UNC13C: variants seen among roughly 807,000 people sequenced by gnomAD.
UNC13C encodes unc-13 homolog C.
Under a neutral mutation model 245.4 loss-of-function variants are expected in UNC13C, and 174 were observed. The ratio of observed to expected loss-of-function variants is 0.71; its 90% CI spans 0.63 to 0.80. The LOEUF (loss-of-function observed/expected upper bound fraction) is 0.80. UNC13C is among the 30% of genes least tolerant of loss of function. The pLI is 0.00. For synonymous variants in UNC13C, 992 were observed against 895.1 expected (o/e 1.11, Z -1.93); for missense variants, 2,829 against 2,602.9 (o/e 1.09, Z -1.89).
At chr15:54,269,142 A>G (rs1478135075) in intron 10 of UNC13C, among the ~76,000 whole-genome samples, 1 of 151,988 alleles carries the variant, frequency 6.6e-6, no homozygotes, top group Non-Finnish European at 1.5e-5. Context: ...TATTCCTTGC[A>G]CAATGATTGG....
At chr15:54,407,983 T>G (rs904443721) in intron 18 of UNC13C, among the ~76,000 whole-genome samples, 1 of 151,800 alleles carries the variant, frequency 6.6e-6, no homozygotes, top group Non-Finnish European at 1.5e-5. Context: ...GGGCAGATCA[T>G]GAGGTCAGGA....
chr15:53,912,336 A>G, the UNC13C span: 53,361 of 152,226 alleles, frequency 0.35, 9,448 homozygotes, highest in South Asian at 0.41. Context: ...TGCCCAACTC[A>G]GGGGAACTGG....
chr15:54,159,956 C>T (rs2032906700), intron 4 of UNC13C, among the ~76,000 whole-genome samples: 2 of 152,036 alleles, frequency 1.3e-5, no homozygotes, highest in South Asian at 2.1e-4. Flanking sequence ...CCTGTCCTTC[C>T]TTGGGCAAAA....
intron 2 of UNC13C, among the ~76,000 whole-genome samples, chr15:54,057,028 A>G (rs1393971907): frequency 1.3e-5 from 2 of 152,138 alleles, no homozygotes; most frequent in Non-Finnish European, 2.9e-5. Context: ...AAAGACCATC[A>G]AGGCTAGGAA....
At chr15:54,204,503 T>G in intron 4 of UNC13C, among the ~76,000 whole-genome samples, 1 of 151,960 alleles carries the variant, frequency 6.6e-6, no homozygotes, top group Admixed American at 6.6e-5. Context: ...TTTACCATGT[T>G]TATAGATAGG....
intron 1 of UNC13C, among the ~76,000 whole-genome samples, chr15:53,990,110 G>A (rs1307362540): frequency 6.6e-6 from 1 of 151,952 alleles, no homozygotes; most frequent in Non-Finnish European, 1.5e-5. Flanking sequence ...CTGAATCTTG[G>A]ATAGGCTTGC....
the UNC13C span, among the ~76,000 whole-genome samples, chr15:53,842,564 C>T: frequency 3.2e-3 from 487 of 152,176 alleles, 2 homozygotes; most frequent in African/African-American, 0.011. Flanking sequence ...TTGAGACTTT[C>T]GTTGAATACA....
At chr15:53,862,669 C>T in the UNC13C span, among the ~76,000 whole-genome samples, 14 of 152,090 alleles carry the variant, frequency 9.2e-5, no homozygotes, top group Non-Finnish European at 1.8e-4. Context: ...TAGTGGAAAC[C>T]GACTGTTCTG....
chr15:54,223,966 T>G (rs947931931), intron 4 of UNC13C, among the ~76,000 whole-genome samples: 5 of 152,196 alleles, frequency 3.3e-5, no homozygotes, highest in South Asian at 2.1e-4. Flanking sequence ...AAAATGCTAC[T>G]GATTTTTGTA....
chr15:54,218,942 TAAAAG>T (rs1336035007), intron 4 of UNC13C, among the ~76,000 whole-genome samples: 1 of 151,918 alleles, frequency 6.6e-6, no homozygotes, highest in African/African-American at 2.4e-5. Context: ...CTCAATGAAA[TAAAAG>T]AGGATACAAA....
chr15:54,297,753 G>C, intron 11 of UNC13C, 58 bp from the exon 12 acceptor site: 1 of 1,262,530 alleles, frequency 7.9e-7, no homozygotes, highest in Admixed American at 2.2e-5. Context: ...TTGAGAGGTC[G>C]TATGAGAAAA....
intron 4 of UNC13C, among the ~76,000 whole-genome samples, chr15:54,224,514 G>T (rs148289084): frequency 1.3e-5 from 2 of 152,208 alleles, no homozygotes; most frequent in African/African-American, 4.8e-5. Flanking sequence ...TTTTCAATAT[G>T]TTGTTGAATT....
chr15:53,856,894 T>C, the UNC13C span, among the ~76,000 whole-genome samples: 1 of 152,184 alleles, frequency 6.6e-6, no homozygotes, highest in South Asian at 2.1e-4. Context: ...AGTCTCCCAT[T>C]ATTTTTGTAT....
chr15:54,362,751 A>T lies in UNC13C; in HGVS notation c.4713+24262A>T, dbSNP rs547048167. Reference sequence around the variant, plus strand: ...TCTAATGATCGAAAATCACTCATCTACTGCATGACTCAGACAAATAAAGGG... The same window carrying T: ...TCTAATGATCGAAAATCACTCATCTTCTGCATGACTCAGACAAATAAAGGG... On this transcript the variant is annotated intron_variant, in intron 17 of 32. Coordinates refer to ENST00000260323, the MANE Select transcript of UNC13C (RefSeq NM_001080534.3). 2.0e-5 allele frequency among the ~76,000 whole-genome samples: 3 copies of T among 152,268 alleles called. No individual in the cohort carries two copies. The East Asian group carries it at 5.8e-4, about 29-fold the overall frequency.
intron 4 of UNC13C, among the ~76,000 whole-genome samples, chr15:54,177,694 A>C (rs2033661846): frequency 6.6e-6 from 1 of 152,090 alleles, no homozygotes; most frequent in Non-Finnish European, 1.5e-5. Flanking sequence ...GGTATTGTGA[A>C]TTGTTAAACT....
chr15:54,043,306 C>T (rs1342072411), intron 2 of UNC13C, among the ~76,000 whole-genome samples: 1 of 152,198 alleles, frequency 6.6e-6, no homozygotes, highest in Non-Finnish European at 1.5e-5. Flanking sequence ...ATTTACACTG[C>T]AATTTCTGGA....
At chr15:54,563,737 G>T (rs1430121521) in intron 29 of UNC13C, among the ~76,000 whole-genome samples, 1 of 151,954 alleles carries the variant, frequency 6.6e-6, no homozygotes, top group African/African-American at 2.4e-5. Flanking sequence ...TGGATAGTGG[G>T]TTTTGTCTAA....
At chr15:54,388,664 G>A (rs1010015742) in intron 17 of UNC13C, among the ~76,000 whole-genome samples, 12 of 151,932 alleles carry the variant, frequency 7.9e-5, no homozygotes, top group South Asian at 4.1e-4. Flanking sequence ...ATTCTCTTCC[G>A]TTTCAGCAGG....
chr15:54,435,569 T>A (rs1326658694), intron 19 of UNC13C, among the ~76,000 whole-genome samples: 1 of 141,720 alleles, frequency 7.1e-6, no homozygotes, highest in Non-Finnish European at 1.5e-5. Context: ...ACACACCAGG[T>A]CCTCTCGGTG....
Sources: gnomAD v4.1 joint callset for allele counts (sites outside exome capture counted in the v4.1 genomes callset) on GRCh38, gnomAD v4.1.1 for gene constraint, MANE v1.5 for transcripts, NCBI Gene and HGNC (gene_info 2026-07-23, HGNC 2026-07-21) for gene names.